The following ARSG variants were observed in gnomAD, a reference collection of about 807,000 sequenced individuals.
The protein encoded by ARSG is ASG.
A neutral mutation model predicts 50.5 loss-of-function variants in ARSG; 37 were observed. That is an observed-to-expected ratio of 0.73 (90% CI 0.56 to 0.96). The LOEUF (loss-of-function observed/expected upper bound fraction) is 0.96. Ranked by LOEUF, ARSG falls within the 50% of genes least tolerant of loss-of-function variation. ARSG has a pLI of 0.00. For synonymous variants in ARSG, 225 were observed against 254.6 expected, an observed-to-expected ratio of 0.88 and a Z score of 1.11; for missense variants, 629 against 675.3, an observed-to-expected ratio of 0.93 and a Z score of 0.76.
intron 9 of ARSG, among the ~76,000 whole-genome samples, chr17:68,386,519 G>A (rs2080732712): frequency 6.6e-6 from 1 of 152,176 alleles, no homozygotes; most frequent in Non-Finnish European, 1.5e-5. Context: ...CTGGCAGCCT[G>A]TGGGGCCCCC....
chr17:68,334,948 A>AC lies in ARSG; in HGVS notation c.219-8652dup, dbSNP rs2077948191. ...GCAGATTCAAGGGGAGGGGACATAG[A>AC]CCCCACCTCTCAATGGGAGGCATGT... is the stretch of plus-strand genomic sequence containing the variant. On this transcript the variant is annotated intron_variant, in intron 2 of 11. Transcript: ENST00000621439. 2.6e-5 allele frequency among the ~76,000 whole-genome samples: 4 copies of AC among 151,978 alleles called. No homozygotes were observed. The South Asian group carries it at 8.3e-4, about 32-fold the overall frequency.
chr17:68,357,951 C>A (rs2079108158), intron 6 of ARSG, among the ~76,000 whole-genome samples: 1 of 152,170 alleles, frequency 6.6e-6, no homozygotes, highest in Admixed American at 6.5e-5. Context: ...TGCCTATAAT[C>A]CCAGCACTTT....
downstream of ARSG, chr17:68,426,226 G>T: frequency 8.0e-7 from 1 of 1,246,802 alleles, no homozygotes; most frequent in Non-Finnish European, 1.1e-6. Flanking sequence ...CTGCTTTTAT[G>T]CCATGACCTG....
intron 1 of ARSG, chr17:68,274,192 G>T: frequency 1.9e-6 from 2 of 1,062,932 alleles, no homozygotes; most frequent in Non-Finnish European, 2.7e-6. Context: ...ATGGCCGAGC[G>T]CAGTGGCTCA....
chr17:68,321,257 G>A (rs1186965784), intron 2 of ARSG, among the ~76,000 whole-genome samples: 3 of 152,188 alleles, frequency 2.0e-5, no homozygotes, highest in African/African-American at 7.2e-5. Context: ...AAGGCACCAA[G>A]TTCACTATTT....
At chr17:68,428,861 A>G in the ARSG span, 5 of 1,614,098 alleles carry the variant, frequency 3.1e-6, no homozygotes, top group Non-Finnish European at 4.2e-6. Flanking sequence ...ACTCTCCTCC[A>G]TCCTGAGGAT....
chr17:68,398,303 A>C (rs1311064256), intron 10 of ARSG, among the ~76,000 whole-genome samples: 1 of 152,234 alleles, frequency 6.6e-6, no homozygotes, highest in Non-Finnish European at 1.5e-5. Flanking sequence ...ACATGCATGC[A>C]CACACATACA....
chr17:68,404,158 G>T (rs1005704162), intron 11 of ARSG, among the ~76,000 whole-genome samples: 1 of 152,104 alleles, frequency 6.6e-6, no homozygotes, highest in Admixed American at 6.6e-5. Context: ...GAATAGTGCC[G>T]CAATAAACAT....
intron 11 of ARSG, among the ~76,000 whole-genome samples, chr17:68,405,336 C>A (rs2081662811): frequency 6.6e-6 from 1 of 151,928 alleles, no homozygotes; most frequent in Admixed American, 6.6e-5. Context: ...GGGATGTAAC[C>A]ATTTGTTTAT....
chr17:68,384,441 C>T (rs1372405826), intron 8 of ARSG, among the ~76,000 whole-genome samples: 2 of 152,130 alleles, frequency 1.3e-5, no homozygotes, highest in African/African-American at 2.4e-5. Context: ...CTTACCTCCC[C>T]CAGGAGGCAA....
the ARSG span, among the ~76,000 whole-genome samples, chr17:68,436,814 T>C: frequency 6.6e-6 from 1 of 151,952 alleles, no homozygotes; most frequent in African/African-American, 2.4e-5. Flanking sequence ...CTGGCCAACA[T>C]GGTGAAACCC....
intron 5 of ARSG, among the ~76,000 whole-genome samples, chr17:68,352,119 G>GA (rs1555779523): frequency 0.012 from 842 of 72,854 alleles, 53 homozygotes; most frequent in Admixed American, 0.051. Context: ...GAGAGACAGA[G>GA]GAGAGAGAGA....
At chr17:68,387,121 A>C (rs1568559698) in intron 9 of ARSG, among the ~76,000 whole-genome samples, 1 of 133,564 alleles carries the variant, frequency 7.5e-6, no homozygotes, top group Non-Finnish European at 1.6e-5. Flanking sequence ...ACACACACAT[A>C]CCTTTTATTT....
chr17:68,401,599 A>G lies in ARSG; in HGVS notation c.1303+149A>G, dbSNP rs72841868. ...CTTGACAAGCGTCTCCTCCAAACCC[A>G]GGGTCCCTGCACAGGCTCTCTGGAT... On this transcript the variant is annotated intron_variant, in intron 11 of 11. Transcript: ENST00000621439. 270,878 of 633,662 alleles carry G rather than the reference A, an allele frequency of 0.43. 62,091 individuals carry two copies. The highest frequency in any genetic ancestry group is 0.55 in the Admixed American group (18,108 of 32,650). The allele number at this position is 633,662 out of a possible 1,614,324, so 39.3% of individuals were successfully genotyped here. A position where few individuals can be genotyped will look rare whatever the true frequency, so the allele number is the denominator to read the frequency against.
intron 2 of ARSG, among the ~76,000 whole-genome samples, chr17:68,320,150 G>A (rs1400999235): frequency 3.3e-5 from 5 of 152,184 alleles, no homozygotes; most frequent in South Asian, 2.1e-4. Flanking sequence ...TTAGTCGGGC[G>A]TGATGGCGTG....
chr17:68,343,447 G>A (rs535612990), intron 2 of ARSG, among the ~76,000 whole-genome samples, 157 bp from the exon 3 acceptor site: 21 of 152,282 alleles, frequency 1.4e-4, no homozygotes, highest in African/African-American at 4.8e-4. Context: ...GTGAGCCACC[G>A]CGCCTGGCCA....
chr17:68,385,255 G>A, intron 9 of ARSG, 83 bp downstream of exon 9: 6 of 1,268,776 alleles, frequency 4.7e-6, no homozygotes, highest in South Asian at 3.7e-5. Flanking sequence ...TGGAGGCATG[G>A]GTGGCTAGAT....
intron 2 of ARSG, among the ~76,000 whole-genome samples, chr17:68,314,380 G>A (rs1357698512): frequency 6.6e-6 from 1 of 152,086 alleles, no homozygotes; most frequent in East Asian, 1.9e-4. Flanking sequence ...TACAAAAGTA[G>A]CCAGGCGTGG....
intron 1 of ARSG, among the ~76,000 whole-genome samples, chr17:68,276,513 A>G (rs2075526385): frequency 6.6e-6 from 1 of 152,000 alleles, no homozygotes; most frequent in African/African-American, 2.4e-5. Context: ...CAATGGCATG[A>G]TCATGGCTCA....
Sources: allele counts gnomAD v4.1 joint callset (sites outside exome capture counted in the v4.1 genomes callset), GRCh38; gene constraint gnomAD v4.1.1; transcripts MANE v1.5; gene names NCBI Gene and HGNC (gene_info 2026-07-23, HGNC 2026-07-21).